The following KLHL13 variants were observed in gnomAD, a reference collection of about 807,000 sequenced individuals.
KLHL13 encodes kelch-like protein 13.
KLHL13 carries 10 observed loss-of-function variants against 37.1 expected under a neutral mutation model. That is an observed-to-expected ratio of 0.27 (90% CI 0.17 to 0.46). The LOEUF (loss-of-function observed/expected upper bound fraction) is 0.46, where lower values mean the gene tolerates loss of function less well. KLHL13 is among the 20% of genes least tolerant of loss of function. The pLI is 1.00. For synonymous variants in KLHL13, 163 were observed against 181.2 expected (o/e 0.90, Z 0.81); for missense variants, 360 against 509.3 (o/e 0.71, Z 2.82).
intron 1 of KLHL13, among the ~76,000 whole-genome samples, chrX:118,069,420 TAAAAAAAA>T (rs66906743): frequency 1.6e-5 from 1 of 61,539 alleles, no homozygotes; most frequent in African/African-American, 6.0e-5. Context: ...GTTTAAAATG[TAAAAAAAA>T]AAAAAAAAAA....
intron 1 of KLHL13, among the ~76,000 whole-genome samples, chrX:118,045,911 A>G (rs6646053): frequency 0.17 from 18,815 of 111,795 alleles, 2,213 homozygotes; most frequent in African/African-American, 0.42. Flanking sequence ...GCAAGGATGT[A>G]GATAAAAGGA....
chrX:118,018,335 T>C (rs990690669), intron 1 of KLHL13, among the ~76,000 whole-genome samples: 1 of 111,878 alleles, frequency 8.9e-6, no homozygotes, highest in Non-Finnish European at 1.9e-5. Flanking sequence ...GAAGAACTCA[T>C]CACTTTTCAT....
At chrX:118,079,393 TA>T (rs1479581649) in intron 1 of KLHL13, among the ~76,000 whole-genome samples, 32 of 110,960 alleles carry the variant, frequency 2.9e-4, no homozygotes, top group African/African-American at 8.8e-4. Flanking sequence ...TAAAATACCC[TA>T]AAAAATCCAC....
intron 1 of KLHL13, among the ~76,000 whole-genome samples, chrX:117,998,861 A>G (rs894560900): frequency 9.0e-6 from 1 of 110,840 alleles, no homozygotes; most frequent in African/African-American, 3.3e-5. Flanking sequence ...AAAACCATAT[A>G]AATGCTATGT....
At chrX:117,930,669 G>A (rs758187987) in intron 2 of KLHL13, among the ~76,000 whole-genome samples, 1 of 111,568 alleles carries the variant, frequency 9.0e-6, no homozygotes, top group Admixed American at 9.5e-5. Context: ...GCGGCAGACA[G>A]TCTTCCAACT....
chrX:117,938,089 ACTT>A (rs1007131575), intron 2 of KLHL13, among the ~76,000 whole-genome samples: 1 of 112,282 alleles, frequency 8.9e-6, no homozygotes, highest in Non-Finnish European at 1.9e-5. Flanking sequence ...ATGTATTAGT[ACTT>A]CATCTTTTAA....
chrX:118,032,109 G>C (rs1163051463), intron 1 of KLHL13, among the ~76,000 whole-genome samples: 1 of 111,536 alleles, frequency 9.0e-6, no homozygotes, highest in Non-Finnish European at 1.9e-5. Flanking sequence ...GGAGTCTCCT[G>C]ATTGCTTGCA....
chrX:118,083,760 C>G lies in KLHL13; in HGVS notation c.-56+32748G>C, dbSNP rs1023968025. 1.3e-4 allele frequency among the ~76,000 whole-genome samples: 15 copies of G among 111,433 alleles called. No individual in the cohort carries two copies. The Middle Eastern group carries it at 0.019, about 138-fold the overall frequency. On this transcript the variant is annotated intron_variant, in intron 1 of 6. Transcript: ENST00000371882. ...AAGAAATGACATGTATTTGAGATGA[C>G]TGATATCCTAATTACCCTGATTTGA...
At chrX:118,032,399 C>T (rs892153823) in intron 1 of KLHL13, among the ~76,000 whole-genome samples, 11 of 111,804 alleles carry the variant, frequency 9.8e-5, no homozygotes, top group South Asian at 7.5e-4. Context: ...GATCTGAGAA[C>T]GGGCAGACTG....
At chrX:117,980,045 A>G (rs1305609024) in intron 1 of KLHL13, among the ~76,000 whole-genome samples, 6 of 112,363 alleles carry the variant, frequency 5.3e-5, no homozygotes, top group Admixed American at 9.4e-5. Flanking sequence ...ATGAAAATAC[A>G]TTCATATGAA....
Position 117,921,401 on chromosome X carries a change from G to A in KLHL13, c.241-1031C>T, listed in dbSNP as rs184134501. 8.0e-3 allele frequency among the ~76,000 whole-genome samples: 886 copies of A among 111,158 alleles called. 7 individuals carry two copies. The highest frequency in any genetic ancestry group is 0.028 in the African/African-American group (851 of 30,559). On this transcript the variant is annotated intron_variant, in intron 2 of 6. Coordinates refer to ENST00000262820, the Ensembl canonical transcript of KLHL13. The stretch of plus-strand genomic sequence containing the variant: ...TGTTTATTTGTCGATTAAGAATAAC[G>A]AATTTAAAAAGATTGTAACAGGCTA...
At chrX:118,095,210 TG>T (rs1485070491) in intron 1 of KLHL13, among the ~76,000 whole-genome samples, 2 of 109,215 alleles carry the variant, frequency 1.8e-5, no homozygotes, top group Non-Finnish European at 3.8e-5. Context: ...ACCAAGCAAA[TG>T]GAAAACAAAA....
At chrX:117,965,036 C>T (rs1257340922) in intron 1 of KLHL13, among the ~76,000 whole-genome samples, 4 of 111,575 alleles carry the variant, frequency 3.6e-5, no homozygotes, top group African/African-American at 6.5e-5. Flanking sequence ...TGAATAATGC[C>T]GCAATAAACA....
intron 1 of KLHL13, among the ~76,000 whole-genome samples, chrX:117,981,483 C>A (rs1390104266): frequency 8.9e-6 from 1 of 111,885 alleles, no homozygotes; most frequent in African/African-American, 3.2e-5. Flanking sequence ...AGTTCAGAAC[C>A]ACTTCATGTC....
chrX:117,921,847 C>T (rs1602550417), intron 2 of KLHL13, among the ~76,000 whole-genome samples: 1 of 111,907 alleles, frequency 8.9e-6, no homozygotes, highest in Admixed American at 9.4e-5. Context: ...AGCCACTCTC[C>T]CTCTAGGGAA....
At chrX:117,998,440 G>A (rs1427780713) in intron 1 of KLHL13, among the ~76,000 whole-genome samples, 1 of 110,672 alleles carries the variant, frequency 9.0e-6, no homozygotes, top group Non-Finnish European at 1.9e-5. Flanking sequence ...CAGGAAATTG[G>A]AGTAATGAGA....
chrX:118,082,023 G>A (rs912960867), intron 1 of KLHL13, among the ~76,000 whole-genome samples: 2 of 108,371 alleles, frequency 1.8e-5, no homozygotes, highest in Non-Finnish European at 3.8e-5. Flanking sequence ...TTGACATACA[G>A]TTAGGTTGAT....
chrX:117,972,784 G>A (rs907134640), exon 1 of KLHL13: 6 of 1,210,153 alleles, frequency 5.0e-6, no homozygotes, highest in Non-Finnish European at 6.7e-6. Context: ...CAGGAACTGG[G>A]AATTTCCAGA....
At chrX:117,962,041 AAATAATAAT>A (rs778789872) in intron 1 of KLHL13, among the ~76,000 whole-genome samples, 1 of 102,318 alleles carries the variant, frequency 9.8e-6, no homozygotes. Flanking sequence ...TCATCTCTAC[AAATAATAAT>A]AATAATAATA....
Sources: gnomAD v4.1 joint callset for allele counts (sites outside exome capture counted in the v4.1 genomes callset) on GRCh38, gnomAD v4.1.1 for gene constraint, MANE v1.5 for transcripts, NCBI Gene and HGNC (gene_info 2026-07-23, HGNC 2026-07-21) for gene names.